The following IL1RAPL1 variants were observed in gnomAD, a reference collection of about 807,000 sequenced individuals.
IL1RAPL1 encodes interleukin 1 receptor accessory protein like 1, also known as interleukin-1 receptor accessory protein-like 1.
A neutral mutation model predicts 48.4 loss-of-function variants in IL1RAPL1; 3 were observed. That is an observed-to-expected ratio of 0.06 (90% CI 0.03 to 0.16). The LOEUF (loss-of-function observed/expected upper bound fraction) is 0.16, where lower values mean the gene tolerates loss of function less well. IL1RAPL1 is among the 10% of genes least tolerant of loss of function. IL1RAPL1 has a pLI of 1.00. For synonymous variants in IL1RAPL1, 185 were observed against 187.7 expected, an observed-to-expected ratio of 0.99 and a Z score of 0.12; for missense variants, 349 against 530.6, an observed-to-expected ratio of 0.66 and a Z score of 3.36.
chrX:29,154,043 G>A (rs2147500451), intron 2 of IL1RAPL1, among the ~76,000 whole-genome samples: 1 of 112,044 alleles, frequency 8.9e-6, no homozygotes, highest in Admixed American at 9.5e-5. Context: ...GGCTTTGCAT[G>A]TTCTGGAGTG....
At chrX:29,221,157 C>G (rs1207649185) in intron 2 of IL1RAPL1, among the ~76,000 whole-genome samples, 1 of 111,711 alleles carries the variant, frequency 9.0e-6, no homozygotes, top group African/African-American at 3.3e-5. Flanking sequence ...GCTGTGCAAC[C>G]TGAGTTGAGA....
chrX:29,789,563 T>C (rs1929581680), intron 6 of IL1RAPL1, among the ~76,000 whole-genome samples: 1 of 111,956 alleles, frequency 8.9e-6, no homozygotes, highest in African/African-American at 3.2e-5. Context: ...GGGTGATCAG[T>C]AACTTTGGAA....
chrX:29,300,280 C>A (rs1442230019), intron 3 of IL1RAPL1, among the ~76,000 whole-genome samples: 1 of 111,487 alleles, frequency 9.0e-6, no homozygotes, highest in African/African-American at 3.3e-5. Flanking sequence ...GTAATAGTCT[C>A]TTGGTGGTGG....
At chrX:29,462,469 A>T (rs1299929725) in intron 5 of IL1RAPL1, among the ~76,000 whole-genome samples, 1 of 111,526 alleles carries the variant, frequency 9.0e-6, no homozygotes, top group Non-Finnish European at 1.9e-5. Flanking sequence ...GATCCTCCTG[A>T]GACCTGGCAC....
chrX:28,684,745 A>G (rs1935094122), intron 1 of IL1RAPL1, among the ~76,000 whole-genome samples: 1 of 111,815 alleles, frequency 8.9e-6, no homozygotes, highest in South Asian at 3.7e-4. Flanking sequence ...GTTCTTAGCT[A>G]TTAACTAAGT....
intron 2 of IL1RAPL1, among the ~76,000 whole-genome samples, chrX:29,171,871 T>C (rs1046497777): frequency 8.9e-6 from 1 of 112,451 alleles, no homozygotes; most frequent in African/African-American, 3.2e-5. Flanking sequence ...CTCCATGCAT[T>C]TGAATGTTTA....
chrX:28,761,080 C>A (rs1216247520), intron 1 of IL1RAPL1, among the ~76,000 whole-genome samples: 1 of 76,893 alleles, frequency 1.3e-5, no homozygotes, highest in Non-Finnish European at 2.4e-5. Context: ...GAGCGAGACT[C>A]CTTCTCAAAA....
chrX:29,143,965 A>G, intron 2 of IL1RAPL1, among the ~76,000 whole-genome samples: 1 of 111,863 alleles, frequency 8.9e-6, no homozygotes, highest in East Asian at 2.9e-4. Flanking sequence ...GAGTATGAAT[A>G]TCAGGAAATA....
chrX:29,555,858 G>A (rs1188259200), intron 5 of IL1RAPL1, among the ~76,000 whole-genome samples: 2 of 111,996 alleles, frequency 1.8e-5, no homozygotes, highest in Admixed American at 9.4e-5. Flanking sequence ...GGGGAGGGGG[G>A]AAACAAAATT....
intron 2 of IL1RAPL1, among the ~76,000 whole-genome samples, chrX:28,974,605 A>G (rs1420516437): frequency 1.8e-5 from 2 of 111,799 alleles, no homozygotes; most frequent in Non-Finnish European, 3.8e-5. Flanking sequence ...TTTAATGTAT[A>G]TTTCCCATTA....
chrX:29,681,953 A>G (rs779193156), intron 6 of IL1RAPL1, among the ~76,000 whole-genome samples: 2 of 111,415 alleles, frequency 1.8e-5, no homozygotes, highest in South Asian at 7.5e-4. Context: ...TAAAAATATT[A>G]TGTGTTTCCA....
intron 2 of IL1RAPL1, among the ~76,000 whole-genome samples, chrX:28,983,874 C>T (rs575558268): frequency 9.0e-5 from 10 of 111,670 alleles, no homozygotes; most frequent in Middle Eastern, 4.6e-3. Context: ...AATGTTTCAA[C>T]GACATAAGTA....
At chrX:29,823,110 C>G (rs150992448) in intron 6 of IL1RAPL1, among the ~76,000 whole-genome samples, 1 of 111,690 alleles carries the variant, frequency 9.0e-6, no homozygotes, top group Non-Finnish European at 1.9e-5. Context: ...GAAGTTTGAT[C>G]TTTGTTTGGG....
At chrX:28,765,230 C>A (rs1363727262) in intron 1 of IL1RAPL1, among the ~76,000 whole-genome samples, 1 of 109,805 alleles carries the variant, frequency 9.1e-6, no homozygotes, top group East Asian at 2.9e-4. Flanking sequence ...TGCAGCACAC[C>A]AACATGGCAC....
At chrX:29,809,191 G>T (rs979378247) in intron 6 of IL1RAPL1, among the ~76,000 whole-genome samples, 1 of 107,228 alleles carries the variant, frequency 9.3e-6, no homozygotes, top group East Asian at 2.9e-4. Context: ...TCTGCCTCCC[G>T]GGTTCAAGCG....
intron 5 of IL1RAPL1, among the ~76,000 whole-genome samples, chrX:29,616,503 C>T (rs752399529): frequency 2.0e-5 from 2 of 98,010 alleles, no homozygotes; most frequent in Admixed American, 2.2e-4. Context: ...CAACAGGCCT[C>T]GGTGTGTGAT....
intron 2 of IL1RAPL1, among the ~76,000 whole-genome samples, chrX:28,805,009 C>A (rs5985801): frequency 1.8e-5 from 2 of 110,597 alleles, no homozygotes; most frequent in African/African-American, 3.3e-5. Context: ...ACAAGAAATG[C>A]TAATATTATG....
At chrX:28,704,693 A>G (rs1181114667) in intron 1 of IL1RAPL1, among the ~76,000 whole-genome samples, 1 of 106,812 alleles carries the variant, frequency 9.4e-6, no homozygotes, top group Non-Finnish European at 1.9e-5. Flanking sequence ...TTCTGGGGAG[A>G]TCATATTTGA....
chrX:28,984,900 GA>G (rs1925430097), intron 2 of IL1RAPL1, among the ~76,000 whole-genome samples: 1 of 111,948 alleles, frequency 8.9e-6, no homozygotes, highest in Non-Finnish European at 1.9e-5. Flanking sequence ...TAGAGTTTAA[GA>G]AAAAAGCTAA....
Sources: allele counts gnomAD v4.1 joint callset (sites outside exome capture counted in the v4.1 genomes callset), GRCh38; gene constraint gnomAD v4.1.1; transcripts MANE v1.5; gene names NCBI Gene and HGNC (gene_info 2026-07-23, HGNC 2026-07-21).